AHI1: variants seen among roughly 807,000 people sequenced by gnomAD.
AHI1 encodes jouberin.
In AHI1, 123 loss-of-function variants were observed where a neutral mutation model predicts 149.3. The ratio of observed to expected loss-of-function variants is 0.82; its 90% CI spans 0.71 to 0.96. The LOEUF (loss-of-function observed/expected upper bound fraction) is 0.96, where lower values mean the gene tolerates loss of function less well. Ranked by LOEUF, AHI1 falls within the 40% of genes least tolerant of loss-of-function variation. The pLI, the probability that AHI1 is intolerant of heterozygous loss-of-function variation, is 0.00. For synonymous variants in AHI1, 475 were observed against 459.8 expected, an observed-to-expected ratio of 1.03 and a Z score of -0.42; for missense variants, 1,439 against 1,422.7, an observed-to-expected ratio of 1.01 and a Z score of -0.18.
At chr6:135,473,076 A>T (rs905755353) in intron 5 of AHI1, among the ~76,000 whole-genome samples, 8 of 152,126 alleles carry the variant, frequency 5.3e-5, no homozygotes, top group African/African-American at 1.9e-4. Context: ...TGTTTCTCTT[A>T]TAAGTTCTAC....
intron 27 of AHI1, among the ~76,000 whole-genome samples, chr6:135,291,368 G>C (rs887289183): frequency 1.3e-5 from 2 of 152,186 alleles, no homozygotes; most frequent in Non-Finnish European, 2.9e-5. Context: ...GGCTTCTAGG[G>C]AGATAACTAA....
chr6:135,423,255 C>T (rs1197081643), intron 20 of AHI1, among the ~76,000 whole-genome samples: 1 of 152,086 alleles, frequency 6.6e-6, no homozygotes, highest in Non-Finnish European at 1.5e-5. Flanking sequence ...CTGATGATGC[C>T]TCTCAGCATA....
chr6:135,363,901 C>T (rs1350146588), intron 23 of AHI1, among the ~76,000 whole-genome samples: 6 of 149,780 alleles, frequency 4.0e-5, no homozygotes, highest in Non-Finnish European at 8.9e-5. Context: ...GGCTGACCCC[C>T]CCCACCTCCC....
intron 24 of AHI1, among the ~76,000 whole-genome samples, chr6:135,338,875 A>C (rs1582674648): frequency 2.0e-5 from 3 of 151,778 alleles, no homozygotes; most frequent in South Asian, 4.2e-4. Flanking sequence ...ATGTCACTTT[A>C]TGACCTGTGT....
At chr6:135,445,465 A>G (rs901924100) in intron 13 of AHI1, among the ~76,000 whole-genome samples, 16 of 152,236 alleles carry the variant, frequency 1.1e-4, no homozygotes, top group Admixed American at 2.0e-4. Context: ...TATCTCTATC[A>G]AAGTGTGATT....
At chr6:135,387,946 G>C in intron 23 of AHI1, 1 of 1,612,688 alleles carries the variant, frequency 6.2e-7, no homozygotes, top group East Asian at 2.2e-5. Flanking sequence ...GGGATCCCAG[G>C]TCGGCTCAGT....
intron 23 of AHI1, among the ~76,000 whole-genome samples, chr6:135,364,063 C>T (rs1169132692): frequency 1.0e-4 from 15 of 143,790 alleles, no homozygotes; most frequent in South Asian, 4.5e-4. Context: ...GCTGGCCGGG[C>T]GGGGGGCTGA....
At chr6:135,477,037 CTT>C (rs969980870) in intron 5 of AHI1, among the ~76,000 whole-genome samples, 1 of 145,488 alleles carries the variant, frequency 6.9e-6, no homozygotes, top group Non-Finnish European at 1.5e-5. Context: ...TCTTTGTCCT[CTT>C]TTTTTTTTTC....
chr6:135,311,660 A>G (rs541984026), intron 26 of AHI1, among the ~76,000 whole-genome samples: 7 of 152,344 alleles, frequency 4.6e-5, no homozygotes, highest in African/African-American at 1.7e-4. Context: ...AAAGGCTAAA[A>G]AGCAAAAAAA....
intron 24 of AHI1, among the ~76,000 whole-genome samples, chr6:135,336,082 C>T (rs1374923516): frequency 6.9e-6 from 1 of 144,076 alleles, no homozygotes; most frequent in Non-Finnish European, 1.5e-5. Flanking sequence ...CACTGCACTG[C>T]ACCCTGGATG....
intron 24 of AHI1, among the ~76,000 whole-genome samples, chr6:135,344,926 TCACACACACA>T (rs59084001): frequency 6.9e-6 from 1 of 145,704 alleles, no homozygotes; most frequent in African/African-American, 2.6e-5. Flanking sequence ...AAGCTCTGAT[TCACACACACA>T]CACACACACA....
chr6:135,417,314 A>G (rs1279387199), intron 20 of AHI1, among the ~76,000 whole-genome samples: 1 of 152,034 alleles, frequency 6.6e-6, no homozygotes, highest in African/African-American at 2.4e-5. Context: ...CCATGATTTC[A>G]TTTTAATATG....
chr6:135,344,443 T>C (rs1030360262), intron 24 of AHI1, among the ~76,000 whole-genome samples: 7 of 151,364 alleles, frequency 4.6e-5, no homozygotes, highest in Admixed American at 4.0e-4. Context: ...TATAGGTATA[T>C]TTATATACTA....
chr6:135,390,638 C>T (rs2128479934), intron 23 of AHI1, among the ~76,000 whole-genome samples: 1 of 152,078 alleles, frequency 6.6e-6, no homozygotes, highest in South Asian at 2.1e-4. Context: ...AAGTACTGAG[C>T]TAGACATGAC....
chr6:135,288,647 A>G (rs1781972008), intron 28 of AHI1, among the ~76,000 whole-genome samples: 1 of 151,996 alleles, frequency 6.6e-6, no homozygotes, highest in Non-Finnish European at 1.5e-5. Flanking sequence ...TACTTCCATA[A>G]TATGATGAAT....
intron 24 of AHI1, among the ~76,000 whole-genome samples, chr6:135,336,659 T>C (rs1789436713): frequency 6.6e-6 from 1 of 152,222 alleles, no homozygotes; most frequent in African/African-American, 2.4e-5. Flanking sequence ...TTAGATGCTT[T>C]AATTTTATTC....
intron 22 of AHI1, among the ~76,000 whole-genome samples, chr6:135,396,115 T>A (rs551262408): frequency 6.6e-6 from 1 of 151,828 alleles, no homozygotes; most frequent in Non-Finnish European, 1.5e-5. Flanking sequence ...ATTAAGACCA[T>A]ATGTTAATAT....
chr6:135,317,703 C>T (rs186231932), intron 26 of AHI1, among the ~76,000 whole-genome samples: 30 of 152,050 alleles, frequency 2.0e-4, no homozygotes, highest in Admixed American at 2.0e-4. Flanking sequence ...ATTAATAGAG[C>T]GCATGGATGA....
At chr6:135,364,999 A>G (rs1247128733) in intron 23 of AHI1, among the ~76,000 whole-genome samples, 3 of 152,254 alleles carry the variant, frequency 2.0e-5, no homozygotes, top group South Asian at 2.1e-4. Flanking sequence ...ATTTTTGTAT[A>G]AAGTGAGAGA....
Sources: allele counts gnomAD v4.1 joint callset (sites outside exome capture counted in the v4.1 genomes callset), GRCh38; gene constraint gnomAD v4.1.1; transcripts MANE v1.5; gene names NCBI Gene and HGNC (gene_info 2026-07-23, HGNC 2026-07-21).